The following OR11A1 variants were observed in gnomAD, a reference collection of about 807,000 sequenced individuals.
OR11A1 encodes olfactory receptor 11A1.
For missense variants in OR11A1, 380 were observed against 378.2 expected, an observed-to-expected ratio of 1.00 and a Z score of -0.04; for synonymous variants, 158 against 152.2, an observed-to-expected ratio of 1.04 and a Z score of -0.28.
In OR11A1 at chr6:29,425,890, T is replaced by C. The variant is rs982182081; in HGVS notation, c.*804A>G. ...TACAGGAAAATCCAGATGTAAACAA[T>C]GTACAGTAAAAGAATAGAATACAAC... On this transcript the variant is annotated 3_prime_UTR_variant, in exon 5 of 5. Transcript: ENST00000377149. The C allele has an allele frequency of 6.6e-6, 1 of 152,120 alleles. No homozygotes were observed. Among genetic ancestry groups the C allele is most frequent in the South Asian group, 2.1e-4 (1 of 4,836 alleles). The allele number at this position is 152,120 out of a possible 1,614,324, so 9.4% of individuals were successfully genotyped here.
intron 2 of OR11A1, 83 bp from the exon 3 acceptor site, chr6:29,430,508 A>T (rs1783156182): frequency 1.2e-6 from 1 of 865,248 alleles, no homozygotes; most frequent in African/African-American, 1.8e-5. Flanking sequence ...TCCCCTGGAA[A>T]TCAAGAGTAT....
chr6:29,427,111 C>T lies in OR11A1; in HGVS notation c.531G>A (p.Gln177=), dbSNP rs1486063157. The T allele has an allele frequency of 2.5e-6, 4 of 1,612,914 alleles. No individual in the cohort carries two copies. Among genetic ancestry groups the T allele is most frequent in the Non-Finnish European group, 3.4e-6 (4 of 1,180,006 alleles). The change falls in exon 5 of 5, where the codon CAG becomes CAA. Residue 177 remains glutamine, a synonymous_variant. Transcript: ENST00000377149. ...LRFCGPNHID[Q]FYCDFMLFVG... ...CGAAAAGCATAAAGTCACAGTAAAACTGGTCAATGTGGTTGGGGCCACAGA... is the reference window on the plus strand; with the variant it reads ...CGAAAAGCATAAAGTCACAGTAAAATTGGTCAATGTGGTTGGGGCCACAGA...
Position 29,446,415 on chromosome 6 carries a change from TG to T in OR11A1, c.-389+10571del, listed in dbSNP as rs1416281363. 4.6e-5 allele frequency among the ~76,000 whole-genome samples: 7 copies of T among 152,248 alleles called. No homozygotes were observed. In the East Asian group the frequency reaches 1.2e-3, roughly 25 times the overall value. On this transcript the variant is annotated intron_variant, in intron 1 of 4. Coordinates refer to ENST00000377149, the MANE Select transcript of OR11A1 (RefSeq NM_001394828.1). ...TCTACCATAACCACCACCTGGTTTGTGCAATAGCATTTTCTGGATGTTTCCT... is the reference window on the plus strand; with the variant it reads ...TCTACCATAACCACCACCTGGTTTGTCAATAGCATTTTCTGGATGTTTCCT...
At chr6:29,443,306 C>CA (rs1784396641) in intron 1 of OR11A1, among the ~76,000 whole-genome samples, 1 of 152,172 alleles carries the variant, frequency 6.6e-6, no homozygotes, top group Non-Finnish European at 1.5e-5. Flanking sequence ...CATTCCCAAG[C>CA]AACCTCTGAT....
At chr6:29,436,658 A>G (rs528727930) in intron 1 of OR11A1, among the ~76,000 whole-genome samples, 11 of 152,332 alleles carry the variant, frequency 7.2e-5, no homozygotes, top group African/African-American at 2.6e-4. Flanking sequence ...ATAGAATGCA[A>G]CTGCAGTGAA....
chr6:29,443,611 A>G (rs1700998331), intron 1 of OR11A1, among the ~76,000 whole-genome samples: 1 of 152,204 alleles, frequency 6.6e-6, no homozygotes, highest in African/African-American at 2.4e-5. Context: ...AGGTTCTATG[A>G]ACATTTGTGT....
At chr6:29,444,536 G>T (rs1464228160) in intron 1 of OR11A1, among the ~76,000 whole-genome samples, 1 of 152,166 alleles carries the variant, frequency 6.6e-6, no homozygotes, top group Non-Finnish European at 1.5e-5. Context: ...TCTGGATTGA[G>T]TTCCAGATCC....
chr6:29,440,994 A>T, intron 1 of OR11A1: 1 of 1,268,162 alleles, frequency 7.9e-7, no homozygotes. Flanking sequence ...GCTCTGAGTC[A>T]GTCCCAAATA....
chr6:29,433,639 T>A (rs3117192), intron 1 of OR11A1, among the ~76,000 whole-genome samples: 10 of 151,858 alleles, frequency 6.6e-5, no homozygotes, highest in African/African-American at 2.4e-4. Flanking sequence ...CTACAATGAA[T>A]ATGAAAGTGT....
rs188690741 is a variant in OR11A1, at chr6:29,426,878, G to T, written c.764C>A (p.Thr255Lys). 6.2e-7 allele frequency: 1 copy of T among 1,613,096 alleles called. No homozygotes were observed. Among genetic ancestry groups the T allele is most frequent in the Admixed American group, 1.7e-5 (1 of 60,026 alleles). Residue 255 changes from threonine (T) to lysine (K), a missense_variant, in exon 5 of 5, where the codon ACG (threonine) becomes AAG (lysine). By Grantham distance (78) the Thr-to-Lys change is moderately conservative (BLOSUM62 -1). Transcript: ENST00000377149. ...GGGTGCAACATAAAAGATCATGAGC[G>T]TTCCATAGAATGTGGTCACTACAGC... is the stretch of plus-strand genomic sequence containing the variant. Reference protein sequence around the residue: ...HLAVVTTFYGTLMIFYVAPSA... With the variant: ...HLAVVTTFYGKLMIFYVAPSA...
intron 4 of OR11A1, chr6:29,428,478 G>C (rs947749498): frequency 2.4e-6 from 2 of 844,990 alleles, no homozygotes. Context: ...CCAGGAGGCC[G>C]GGCTTGGTGG....
intron 1 of OR11A1, among the ~76,000 whole-genome samples, chr6:29,452,766 A>G (rs1212342389): frequency 6.6e-6 from 1 of 152,210 alleles, no homozygotes; most frequent in Admixed American, 6.5e-5. Flanking sequence ...ATAAAAAAGG[A>G]TAAAGGAAGT....
At chr6:29,434,420 T>C (rs1783480844) in intron 1 of OR11A1, among the ~76,000 whole-genome samples, 1 of 152,228 alleles carries the variant, frequency 6.6e-6, no homozygotes, top group Non-Finnish European at 1.5e-5. Flanking sequence ...TAAAAAGACT[T>C]TTCTTTCACC....
In OR11A1 at chr6:29,426,699, C is replaced by G. The variant is rs1480536975; in HGVS notation, c.943G>C (p.Asp315His). 18 of 1,606,242 alleles carry G rather than the reference C, an allele frequency of 1.1e-5. No homozygotes were observed. Among genetic ancestry groups the G allele is most frequent in the Non-Finnish European group, 1.5e-5 (18 of 1,175,952 alleles). Residue 315 changes from aspartate to histidine, a missense_variant, in exon 5 of 5, where the codon GAT becomes CAT. Transcript: ENST00000377149. Reference sequence around the variant, plus strand: ...AACATCTTCATTACTCTCCTTCAATCAAGTGTTTCAGTTTGTTTGATACAG... The same window carrying G: ...AACATCTTCATTACTCTCCTTCAATGAAGTGTTTCAGTTTGTTTGATACAG... ...ILCIKQTETL[D>H]
intron 1 of OR11A1, 57 bp from the exon 2 acceptor site, chr6:29,432,044 A>C: frequency 1.0e-6 from 1 of 979,588 alleles, no homozygotes; most frequent in Non-Finnish European, 1.2e-6. Flanking sequence ...TCCACTCCTG[A>C]GCCATTTTCT....
chr6:29,455,742 A>C (rs748044818), intron 1 of OR11A1, among the ~76,000 whole-genome samples: 3 of 151,828 alleles, frequency 2.0e-5, no homozygotes, highest in Non-Finnish European at 4.4e-5. Flanking sequence ...CGGGTGTGGC[A>C]GCATGCGCCT....
intron 1 of OR11A1, among the ~76,000 whole-genome samples, chr6:29,452,920 G>A (rs1194346822): frequency 6.6e-6 from 1 of 151,866 alleles, no homozygotes. Flanking sequence ...TAAAAATAAT[G>A]ATAATATATT....
chr6:29,448,019 T>C (rs749689882), intron 1 of OR11A1, among the ~76,000 whole-genome samples: 1 of 141,474 alleles, frequency 7.1e-6, no homozygotes, highest in Non-Finnish European at 1.5e-5. Flanking sequence ...TCTTTTTTTT[T>C]TTTTTTTTTT....
chr6:29,455,896 G>T (rs1786117165), intron 1 of OR11A1, among the ~76,000 whole-genome samples: 1 of 127,486 alleles, frequency 7.8e-6, no homozygotes, highest in East Asian at 2.2e-4. Flanking sequence ...AAAAAAAAAG[G>T]AAATCCTGTA....
Sources: allele counts gnomAD v4.1 joint callset (sites outside exome capture counted in the v4.1 genomes callset), GRCh38; gene constraint gnomAD v4.1.1; transcripts MANE v1.5; gene names NCBI Gene and HGNC (gene_info 2026-07-23, HGNC 2026-07-21).